Variants in LRRTM4 observed in about 807,000 individuals in gnomAD.
LRRTM4 encodes the protein leucine-rich repeat transmembrane neuronal protein 4.
Under a neutral mutation model 47.6 loss-of-function variants are expected in LRRTM4, and 25 were observed. That is an observed-to-expected ratio of 0.53 (90% CI 0.38 to 0.73). The LOEUF is 0.73. LRRTM4 is among the 30% of genes least tolerant of loss of function. The pLI is 0.00. For missense variants in LRRTM4, 638 were observed against 713.4 expected (o/e 0.89, Z 1.20); for synonymous variants, 311 against 269.5 (o/e 1.15, Z -1.51).
At chr2:77,408,402 G>A (rs1674293539) in intron 3 of LRRTM4, among the ~76,000 whole-genome samples, 1 of 152,098 alleles carries the variant, frequency 6.6e-6, no homozygotes, top group Non-Finnish European at 1.5e-5. Flanking sequence ...AGTGAATTTT[G>A]AATCAGGTCA....
chr2:77,072,800 C>CAAAA (rs373786120), intron 3 of LRRTM4, among the ~76,000 whole-genome samples: 9,019 of 78,566 alleles, frequency 0.11, 743 homozygotes, highest in East Asian at 0.16. Flanking sequence ...CTCCGTCTTC[C>CAAAA]AAAAAAAAAA....
At chr2:76,917,924 G>A (rs1464214334) in intron 3 of LRRTM4, among the ~76,000 whole-genome samples, 1 of 152,040 alleles carries the variant, frequency 6.6e-6, no homozygotes, top group Non-Finnish European at 1.5e-5. Context: ...AGTGGTATGG[G>A]TATGCTAGGA....
At chr2:76,922,501 C>T (rs961506521) in intron 3 of LRRTM4, among the ~76,000 whole-genome samples, 6 of 152,022 alleles carry the variant, frequency 3.9e-5, no homozygotes, top group South Asian at 4.1e-4. Flanking sequence ...CCCTGACACA[C>T]GGGAATTATA....
At chr2:76,940,561 AAAT>A (rs1456011683) in intron 3 of LRRTM4, among the ~76,000 whole-genome samples, 1 of 152,176 alleles carries the variant, frequency 6.6e-6, no homozygotes, top group Non-Finnish European at 1.5e-5. Flanking sequence ...ATGGGTGACA[AAAT>A]AATCTGTACA....
intron 3 of LRRTM4, among the ~76,000 whole-genome samples, chr2:77,284,610 G>C (rs1676599469): frequency 6.6e-6 from 1 of 152,062 alleles, no homozygotes; most frequent in African/African-American, 2.4e-5. Flanking sequence ...ATCTGATGCT[G>C]TTTCTCTATT....
chr2:76,879,351 T>G (rs1233650763), intron 3 of LRRTM4, among the ~76,000 whole-genome samples: 1 of 152,190 alleles, frequency 6.6e-6, no homozygotes, highest in African/African-American at 2.4e-5. Context: ...CAGCCAATGC[T>G]CATTTACCAT....
chr2:76,919,979 A>G (rs1674383199), intron 3 of LRRTM4, among the ~76,000 whole-genome samples: 1 of 152,030 alleles, frequency 6.6e-6, no homozygotes, highest in Admixed American at 6.6e-5. Context: ...TTTTTTTGAA[A>G]TGCTATTTAC....
intron 3 of LRRTM4, among the ~76,000 whole-genome samples, chr2:76,968,348 A>G (rs865973599): frequency 4.4e-4 from 40 of 90,600 alleles, no homozygotes; most frequent in African/African-American, 1.4e-3. Flanking sequence ...GTGTATATAT[A>G]TATATATATA....
chr2:77,449,185 C>A (rs1195149196), intron 3 of LRRTM4, among the ~76,000 whole-genome samples: 3 of 152,064 alleles, frequency 2.0e-5, no homozygotes, highest in South Asian at 2.1e-4. Context: ...CATGAATATG[C>A]GTTTAAGATA....
intron 3 of LRRTM4, among the ~76,000 whole-genome samples, chr2:77,053,422 T>C (rs1311745621): frequency 6.6e-6 from 1 of 152,102 alleles, no homozygotes; most frequent in Non-Finnish European, 1.5e-5. Flanking sequence ...TCAATATATA[T>C]TATAAGGAAC....
chr2:77,159,130 A>G (rs1672638796), intron 3 of LRRTM4, among the ~76,000 whole-genome samples: 2 of 152,200 alleles, frequency 1.3e-5, no homozygotes, highest in African/African-American at 2.4e-5. Flanking sequence ...GGAATAAAGT[A>G]TCTTATTTGG....
chr2:77,016,368 AG>A (rs1010969814), intron 3 of LRRTM4, among the ~76,000 whole-genome samples: 16 of 146,336 alleles, frequency 1.1e-4, no homozygotes, highest in African/African-American at 4.1e-4. Flanking sequence ...CTGGCGACAG[AG>A]GGAGAACTCC....
chr2:77,363,154 T>C (rs1341767621), intron 3 of LRRTM4, among the ~76,000 whole-genome samples: 1 of 152,224 alleles, frequency 6.6e-6, no homozygotes, highest in South Asian at 2.1e-4. Flanking sequence ...GTGTTATTTG[T>C]CCCTTTAGAA....
At chr2:77,049,304 T>G (rs1679348587) in intron 3 of LRRTM4, among the ~76,000 whole-genome samples, 1 of 151,280 alleles carries the variant, frequency 6.6e-6, no homozygotes, top group Non-Finnish European at 1.5e-5. Context: ...CTTTTCCTTT[T>G]TCTTTTCTTT....
At chr2:77,149,053 C>T (rs1453966383) in intron 3 of LRRTM4, among the ~76,000 whole-genome samples, 1 of 152,130 alleles carries the variant, frequency 6.6e-6, no homozygotes, top group Non-Finnish European at 1.5e-5. Flanking sequence ...TATATTCACA[C>T]CATGATTTTC....
chr2:77,103,372 T>C (rs2103915777), intron 3 of LRRTM4, among the ~76,000 whole-genome samples: 1 of 152,314 alleles, frequency 6.6e-6, no homozygotes, highest in Admixed American at 6.5e-5. Flanking sequence ...TCCAAATTTT[T>C]CCATCTCTTT....
intron 3 of LRRTM4, among the ~76,000 whole-genome samples, chr2:77,123,403 C>A (rs146014843): frequency 2.6e-5 from 4 of 152,084 alleles, no homozygotes; most frequent in African/African-American, 9.6e-5. Flanking sequence ...CAGAGGAAAC[C>A]CCAACTGAAC....
intron 3 of LRRTM4, among the ~76,000 whole-genome samples, chr2:77,078,528 A>G (rs137962351): frequency 9.9e-5 from 15 of 152,260 alleles, no homozygotes; most frequent in African/African-American, 3.4e-4. Flanking sequence ...ATATATTTTT[A>G]TAATCAATAT....
chr2:76,948,269 A>C (rs933963720), intron 3 of LRRTM4, among the ~76,000 whole-genome samples: 1 of 151,878 alleles, frequency 6.6e-6, no homozygotes, highest in African/African-American at 2.4e-5. Flanking sequence ...CCTTGATGCC[A>C]CAATTTTGTC....
Sources: gnomAD v4.1 joint callset for allele counts (sites outside exome capture counted in the v4.1 genomes callset) on GRCh38, gnomAD v4.1.1 for gene constraint, MANE v1.5 for transcripts, NCBI Gene and HGNC (gene_info 2026-07-23, HGNC 2026-07-21) for gene names.